Variants in TSC2 observed in about 807,000 individuals in gnomAD.
TSC2 encodes the protein tuberin.
A neutral mutation model predicts 202.2 loss-of-function variants in TSC2; 29 were observed. That is an observed-to-expected ratio of 0.14 (90% confidence interval 0.11 to 0.20). The LOEUF (loss-of-function observed/expected upper bound fraction) is 0.20, where lower values mean the gene tolerates loss of function less well. Among genes scored for constraint, TSC2 ranks in the 10% least tolerant of loss-of-function variants. The probability of loss-of-function intolerance (pLI) is 1.00; values close to 1 mark genes in which losing one functional copy is unlikely to be tolerated. For synonymous variants in TSC2, 1,349 were observed against 1,044.0 expected (o/e 1.29, Z -5.63); for missense variants, 2,429 against 2,420.0 (o/e 1.00, Z -0.08).
Position 2,072,294 on chromosome 16 carries a change from G to A in TSC2, c.2151G>A (p.Leu717=), listed in dbSNP as rs2151317395. 6.2e-7 allele frequency: 1 copy of A among 1,614,154 alleles called. No homozygotes were observed. The highest frequency in any genetic ancestry group is 1.3e-5 in the African/African-American group (1 of 75,074). Residue 717 remains leucine, a synonymous_variant, in exon 20 of 42, where the codon CTG becomes CTA. Transcript: ENST00000219476. ...TTCTGGGCAGGCTGCCTGAGTCCCT[G>A]CGCTATAAAGTGCTCATCTTTACTT... is the stretch of plus-strand genomic sequence containing the variant. ...KLVLGRLPES[L]RYKVLIFTSP...
chr16:2,068,558 T>C (rs1424704154), intron 16 of TSC2: 5 of 152,042 alleles, frequency 3.3e-5, no homozygotes, highest in African/African-American at 1.2e-4. Context: ...GTTTTTACAG[T>C]GAAGTAAGCT....
In TSC2 at chr16:2,079,264, CCT is replaced by C. The variant is rs2089819688; in HGVS notation, c.3132-11_3132-10del. On this transcript the variant is annotated splice_polypyrimidine_tract_variant and intron_variant, in intron 27 of 41. Transcript: ENST00000219476. The surrounding 1 kb of genome is among the most constrained non-coding windows in gnomAD (Gnocchi z 4.6). ...CACGGGCAAGCTGGGTTTCACGCTC[CCT>C]GTCTTCTAGGTCTCCTGTGGGCGAG... The C allele has an allele frequency of 6.2e-7, 1 of 1,612,862 alleles. No individual in the cohort carries two copies. Among genetic ancestry groups the C allele is most frequent in the Non-Finnish European group, 8.5e-7 (1 of 1,180,016 alleles).
chr16:2,081,168 A>G, intron 30 of TSC2: 1 of 320,070 alleles, frequency 3.1e-6, no homozygotes, highest in Non-Finnish European at 6.1e-6. Context: ...AAAGCATACC[A>G]ACATGGGGGC....
At chr16:2,083,091 CGT>C (rs754573696) in intron 32 of TSC2, 1 of 455,152 alleles carries the variant, frequency 2.2e-6, no homozygotes. Flanking sequence ...GCTGACTGCG[CGT>C]GTGCAGGGCT....
At position 2,088,563 on chromosome 16, in the gene TSC2, C is replaced by G. The variant is rs1473538868; in HGVS notation, c.5377C>G (p.Arg1793Gly). The part of the protein sequence containing the change: ...EPTPGYEVGQ[R>G]KRLISSVEDF... ...CACACCTGGCTATGAGGTGGGCCAG[C>G]GGAAGCGCCTCATCTCCTCGGTGGA... The change falls in exon 42 of 42, where the codon CGG becomes GGG. Residue 1793 changes from arginine (R) to glycine (G), a missense_variant. Coordinates refer to ENST00000219476, the MANE Select transcript of TSC2 (RefSeq NM_000548.5). The G allele has an allele frequency of 3.1e-6, 5 of 1,610,358 alleles. No individual in the cohort carries two copies. The highest frequency in any genetic ancestry group is 2.7e-5 in the African/African-American group (2 of 74,946).
chr16:2,082,761 G>A, intron 32 of TSC2: 2 of 583,494 alleles, frequency 3.4e-6, no homozygotes, highest in Non-Finnish European at 6.2e-6. Flanking sequence ...AGGCCTGAGG[G>A]GTGGGGGTGG....
intron 2 of TSC2, among the ~76,000 whole-genome samples, chr16:2,049,148 C>CGATT (rs946658154): frequency 4.6e-5 from 7 of 152,112 alleles, no homozygotes; most frequent in African/African-American, 1.7e-4. Context: ...TGCAGTGGCA[C>CGATT]AATCTCTGCT....
intron 38 of TSC2, 70 bp from the exon 39 acceptor site, chr16:2,087,793 C>A: frequency 6.4e-7 from 1 of 1,564,748 alleles, no homozygotes; most frequent in Non-Finnish European, 8.7e-7. Context: ...GCAGTGCAAC[C>A]AGGCAGTAGC....
chr16:2,072,312 C>T lies in TSC2; in HGVS notation c.2169C>T (p.Ile723=), dbSNP rs1287857429. Residue 723 remains isoleucine (I), a synonymous_variant, in exon 20 of 42, where the codon ATC becomes ATT. Transcript: ENST00000219476. ...AGTCCCTGCGCTATAAAGTGCTCAT[C>T]TTTACTTCCCCTTGCAGTGTGGACC... ...LPESLRYKVL[I]FTSPCSVDQL... 2 of 1,614,182 alleles carry T rather than the reference C, an allele frequency of 1.2e-6. No individual in the cohort carries two copies. The highest frequency in any genetic ancestry group is 2.2e-5 in the East Asian group (1 of 44,876).
intron 6 of TSC2, chr16:2,055,909 A>AT: frequency 1.9e-6 from 1 of 518,292 alleles, no homozygotes; most frequent in Non-Finnish European, 3.5e-6. Flanking sequence ...AAAAAAAAAA[A>AT]GAGAAGTACG....
chr16:2,060,999 C>T (rs1335418817), intron 11 of TSC2, 186 bp downstream of exon 11: 12 of 746,404 alleles, frequency 1.6e-5, no homozygotes, highest in South Asian at 3.5e-5. Context: ...TTTTTCCAGA[C>T]GTGGTGCATC....
In TSC2 at chr16:2,048,027, C is replaced by G. The variant is rs918943259; in HGVS notation, c.-68C>G. ...GGGGCCAGGGGGGTGCGCCTTTCTC[C>G]GCGTCGGGGCGGCCCGGAGCGCGGT... On this transcript the variant is annotated 5_prime_UTR_variant, in exon 1 of 42. Coordinates refer to ENST00000219476, the MANE Select transcript of TSC2 (RefSeq NM_000548.5). 2.1e-6 allele frequency: 3 copies of G among 1,441,310 alleles called. No individual in the cohort carries two copies. Among genetic ancestry groups the G allele is most frequent in the African/African-American group, 3.0e-5 (2 of 67,542 alleles). The allele number at this position is 1,441,310 out of a possible 1,614,324, so 89.3% of individuals were successfully genotyped here. A position where few individuals can be genotyped will look rare whatever the true frequency, so the allele number is the denominator to read the frequency against.
chr16:2,089,319 G>A lies in TSC2; in HGVS notation c.*709G>A, dbSNP rs181780746. The A allele has an allele frequency of 2.2e-5, 6 of 278,120 alleles. No homozygotes were observed. Among genetic ancestry groups the A allele is most frequent in the South Asian group, 6.0e-5 (1 of 16,548 alleles). 17.2% of individuals were successfully genotyped at this position (278,120 alleles called of 1,614,324 possible). Reference sequence around the variant, plus strand: ...CACAGTGAGACGGTGCAGGGAGTACGGTAGGAACTGGAGAGGTAATAACTT... The same window carrying A: ...CACAGTGAGACGGTGCAGGGAGTACAGTAGGAACTGGAGAGGTAATAACTT... On this transcript the variant is annotated 3_prime_UTR_variant, in exon 42 of 42. Coordinates refer to ENST00000219476, the MANE Select transcript of TSC2 (RefSeq NM_000548.5).
chr16:2,066,219 T>G (rs1268619266), intron 16 of TSC2: 1 of 155,610 alleles, frequency 6.4e-6, no homozygotes, highest in Non-Finnish European at 1.4e-5. Context: ...TTCATGGAAG[T>G]GGAATCACAC....
rs964711777 is a variant in TSC2, at chr16:2,048,839, C to T, written c.138+86C>T. 18 of 1,588,812 alleles carry T rather than the reference C, an allele frequency of 1.1e-5. No individual in the cohort carries two copies. In the East Asian group the frequency reaches 1.6e-4, roughly 14 times the overall value. On this transcript the variant is annotated intron_variant, in intron 2 of 41. Transcript: ENST00000219476. ...GTCTTGCACCAGGTTCTGTGGGAGA[C>T]GGGTTGCTGGCAACTGTCTACACAG...
chr16:2,064,217 C>T (rs1207771584), intron 14 of TSC2, 55 bp from the exon 15 acceptor site: 8 of 1,613,056 alleles, frequency 5.0e-6, no homozygotes, highest in Admixed American at 3.3e-5. Flanking sequence ...GGAAGTGTCA[C>T]GAGATGTGGC....
Position 2,055,900 on chromosome 16 carries a change from A to AT in TSC2, c.600-296_600-295insT, listed in dbSNP as rs1461015096. 5 of 513,552 alleles carry AT rather than the reference A, an allele frequency of 9.7e-6. No homozygotes were observed. The Admixed American group carries it at 1.6e-4, about 17-fold the overall frequency. 31.8% of individuals were successfully genotyped at this position (513,552 alleles called of 1,614,324 possible). ...AGCAAAACTCCATCTCAAAAAAAAA[A>AT]AAAAAAAAAGAGAAGTACGTAGCTA... On this transcript the variant is annotated intron_variant, in intron 6 of 41. Coordinates refer to ENST00000219476, the MANE Select transcript of TSC2 (RefSeq NM_000548.5).
At chr16:2,063,428 C>T (rs901880717) in intron 14 of TSC2, 2 of 375,062 alleles carry the variant, frequency 5.3e-6, no homozygotes, top group Non-Finnish European at 1.0e-5. Flanking sequence ...CCTGCGTGAT[C>T]GCCAGCCCTG....
intron 11 of TSC2, 116 bp downstream of exon 11, chr16:2,060,929 AC>A (rs1325275162): frequency 1.5e-6 from 2 of 1,330,562 alleles, no homozygotes; most frequent in Non-Finnish European, 2.1e-6. Context: ...GACTGCCAGA[AC>A]CGTGTTCTCT....
Sources: gnomAD v4.1 joint callset for allele counts (sites outside exome capture counted in the v4.1 genomes callset) on GRCh38, gnomAD v4.1.1 for gene constraint, Gnocchi (gnomAD v3.1) non-coding constraint, MANE v1.5 for transcripts, NCBI Gene and HGNC (gene_info 2026-07-23, HGNC 2026-07-21) for gene names.